Variants in LPP observed in about 807,000 individuals in gnomAD.
LPP encodes LIM domain containing preferred translocation partner in lipoma, also known as lipoma-preferred partner.
In LPP, 38 loss-of-function variants were observed where a neutral mutation model predicts 60.4. The ratio of observed to expected loss-of-function variants is 0.63; its 90% CI spans 0.49 to 0.83. The LOEUF (loss-of-function observed/expected upper bound fraction) is 0.83. LPP is among the 40% of genes least tolerant of loss of function. The probability of loss-of-function intolerance (pLI) is 0.00; values close to 1 mark genes in which losing one functional copy is unlikely to be tolerated. For synonymous variants in LPP, 328 were observed against 290.8 expected, an observed-to-expected ratio of 1.13 and a Z score of -1.30; for missense variants, 902 against 783.6, an observed-to-expected ratio of 1.15 and a Z score of -1.80.
intron 7 of LPP, among the ~76,000 whole-genome samples, chr3:188,701,811 A>G (rs1336689203): frequency 6.6e-6 from 1 of 151,654 alleles, no homozygotes; most frequent in Non-Finnish European, 1.5e-5. Flanking sequence ...CAATACACTT[A>G]CTTCAGAAGC....
At chr3:188,830,963 A>G (rs1239664048) in intron 9 of LPP, among the ~76,000 whole-genome samples, 1 of 152,236 alleles carries the variant, frequency 6.6e-6, no homozygotes, top group Non-Finnish European at 1.5e-5. Context: ...TGAAATCTCA[A>G]TCCTGTAGTA....
chr3:188,407,780 GTTTGTTTGTTTTTT>G (rs1386426015), intron 4 of LPP, among the ~76,000 whole-genome samples: 2 of 94,898 alleles, frequency 2.1e-5, no homozygotes, highest in Non-Finnish European at 2.1e-5. Context: ...TTTTTTTTTT[GTTTGTTTGTTTTTT>G]TTTTTTTTTT....
intron 4 of LPP, among the ~76,000 whole-genome samples, chr3:188,450,517 G>C (rs1000319428): frequency 2.0e-5 from 3 of 152,150 alleles, no homozygotes; most frequent in African/African-American, 7.2e-5. Flanking sequence ...GGCCGAGGCA[G>C]GTGGATCATC....
chr3:188,733,910 T>C (rs1330581511), intron 8 of LPP, among the ~76,000 whole-genome samples: 1 of 152,210 alleles, frequency 6.6e-6, no homozygotes, highest in Non-Finnish European at 1.5e-5. Flanking sequence ...CTTTTTAAAA[T>C]ATCTGTCTTG....
At position 188,592,551 on chromosome 3, in the gene LPP, G is replaced by GTTTTTTTTTT. The variant is rs1553936326; in HGVS notation, c.430-16605_430-16604insTTTTTTTTTT. ...AATGAGTATCACTGTTTTTAGTTTT[G>GTTTTTTTTTT]TTTTTGTTTTTTAAATGGAGTCTCA... On this transcript the variant is annotated intron_variant, in intron 6 of 11. Coordinates refer to ENST00000617246, the MANE Select transcript of LPP (RefSeq NM_001375462.1). Among the ~76,000 whole-genome samples, 335 of 98,056 alleles carry GTTTTTTTTTT rather than the reference G, an allele frequency of 3.4e-3. 10 individuals carry two copies. The highest frequency in any genetic ancestry group is 0.011 in the African/African-American group (303 of 28,586). 64.3% of individuals were successfully genotyped at this position (98,056 alleles called of 152,430 possible).
At chr3:188,284,179 C>A (rs749173183) in intron 2 of LPP, among the ~76,000 whole-genome samples, 18 of 151,840 alleles carry the variant, frequency 1.2e-4, no homozygotes, top group Non-Finnish European at 2.5e-4. Context: ...ATCACCTGAC[C>A]TCAGGTGATC....
intron 1 of LPP, among the ~76,000 whole-genome samples, chr3:188,157,719 C>G (rs935575868): frequency 6.6e-6 from 1 of 151,772 alleles, no homozygotes; most frequent in African/African-American, 2.4e-5. Flanking sequence ...GGGGCATGTC[C>G]GTGTATTAAG....
intron 9 of LPP, among the ~76,000 whole-genome samples, chr3:188,773,599 T>C (rs1736784892): frequency 6.6e-6 from 1 of 152,226 alleles, no homozygotes; most frequent in African/African-American, 2.4e-5. Flanking sequence ...ACACACTCTT[T>C]AATAATGTTA....
intron 9 of LPP, among the ~76,000 whole-genome samples, chr3:188,783,396 A>G (rs1740468657): frequency 1.3e-5 from 2 of 152,200 alleles, no homozygotes; most frequent in Non-Finnish European, 2.9e-5. Flanking sequence ...GAGATCATGT[A>G]TTTTGCAGGA....
At chr3:188,215,000 A>T (rs568229398) in intron 1 of LPP, among the ~76,000 whole-genome samples, 1 of 152,108 alleles carries the variant, frequency 6.6e-6, no homozygotes, top group Non-Finnish European at 1.5e-5. Context: ...TGCCATCTTG[A>T]TGGTTTTTAA....
chr3:188,737,318 CAAAG>C (rs1177444056), intron 8 of LPP, among the ~76,000 whole-genome samples: 2 of 152,124 alleles, frequency 1.3e-5, no homozygotes, highest in African/African-American at 4.8e-5. Context: ...GGCTCTGTCA[CAAAG>C]AAACAAGGAG....
chr3:188,219,127 C>T (rs1714834402), intron 1 of LPP, among the ~76,000 whole-genome samples: 1 of 152,100 alleles, frequency 6.6e-6, no homozygotes, highest in African/African-American at 2.4e-5. Flanking sequence ...AATCACACGT[C>T]CTCATATTTA....
chr3:188,345,080 T>G (rs1393449936), intron 3 of LPP, among the ~76,000 whole-genome samples: 1 of 152,228 alleles, frequency 6.6e-6, no homozygotes, highest in Non-Finnish European at 1.5e-5. Context: ...GGAGGGAATC[T>G]GATTTGTCTA....
At chr3:188,507,435 G>C (rs929741391) in intron 5 of LPP, among the ~76,000 whole-genome samples, 1 of 151,668 alleles carries the variant, frequency 6.6e-6, no homozygotes, top group African/African-American at 2.4e-5. Flanking sequence ...TGTTTCCTTA[G>C]TGCCATTTCG....
chr3:188,524,792 G>A lies in LPP; in HGVS notation c.429+5G>A. On this transcript the variant is annotated splice_donor_5th_base_variant and intron_variant, in intron 6 of 11. Coordinates refer to ENST00000617246, the MANE Select transcript of LPP (RefSeq NM_001375462.1). ...TATAAGCCTCGGCCTCCACAGGTTA[G>A]TGCAGCCCACAATCATCTCCACACA... 1.2e-6 allele frequency: 2 copies of A among 1,612,374 alleles called. No individual in the cohort carries two copies. Among genetic ancestry groups the A allele is most frequent in the Middle Eastern group, 1.7e-4 (1 of 6,054 alleles).
intron 6 of LPP, among the ~76,000 whole-genome samples, chr3:188,581,863 C>T (rs1456486605): frequency 6.6e-6 from 1 of 152,066 alleles, no homozygotes; most frequent in African/African-American, 2.4e-5. Flanking sequence ...TTTTCCTCAC[C>T]AGTCTCTTAT....
At chr3:188,440,295 G>A (rs1793451517) in intron 4 of LPP, among the ~76,000 whole-genome samples, 2 of 152,148 alleles carry the variant, frequency 1.3e-5, no homozygotes, top group South Asian at 4.1e-4. Flanking sequence ...GTAAAAAAGA[G>A]AATAATAACC....
intron 9 of LPP, among the ~76,000 whole-genome samples, chr3:188,855,439 C>T (rs1180979607): frequency 6.6e-6 from 1 of 152,160 alleles, no homozygotes; most frequent in Non-Finnish European, 1.5e-5. Context: ...GTGATAAGCA[C>T]TATGAAGAAA....
chr3:188,538,614 A>C (rs1824296181), intron 6 of LPP, among the ~76,000 whole-genome samples: 1 of 152,230 alleles, frequency 6.6e-6, no homozygotes, highest in Non-Finnish European at 1.5e-5. Flanking sequence ...CCCTTTTGGA[A>C]GCAATCTGTC....
Sources: allele counts gnomAD v4.1 joint callset (sites outside exome capture counted in the v4.1 genomes callset), GRCh38; gene constraint gnomAD v4.1.1; transcripts MANE v1.5; gene names NCBI Gene and HGNC (gene_info 2026-07-23, HGNC 2026-07-21).